Variants in HACE1 observed in about 807,000 individuals in gnomAD.
HACE1 encodes E3 ubiquitin-protein ligase HACE1.
Under a neutral mutation model 118.4 loss-of-function variants are expected in HACE1, and 73 were observed. The observed-to-expected ratio is 0.62, with a 90% CI of 0.51 to 0.75. HACE1 has a LOEUF of 0.75. Among genes scored for constraint, HACE1 ranks in the 30% least tolerant of loss-of-function variants. The pLI is 0.00. For synonymous variants in HACE1, 368 were observed against 374.8 expected, an observed-to-expected ratio of 0.98 and a Z score of 0.21; for missense variants, 749 against 1,102.2, an observed-to-expected ratio of 0.68 and a Z score of 4.54.
intron 22 of HACE1, among the ~76,000 whole-genome samples, chr6:104,734,150 A>C (rs1020760826): frequency 6.6e-6 from 1 of 151,476 alleles, no homozygotes; most frequent in Admixed American, 6.6e-5. Context: ...CTCAAAAAAA[A>C]AAAAAAAAAA....
intron 20 of HACE1, among the ~76,000 whole-genome samples, chr6:104,749,000 A>G (rs1217934918): frequency 1.3e-5 from 2 of 152,158 alleles, no homozygotes; most frequent in East Asian, 1.9e-4. Flanking sequence ...ATCAAGCTAT[A>G]CATTTATGAT....
intron 6 of HACE1, among the ~76,000 whole-genome samples, chr6:104,825,623 C>T (rs1322113285): frequency 6.6e-6 from 1 of 152,186 alleles, no homozygotes; most frequent in Non-Finnish European, 1.5e-5. Context: ...ACTTCAGCCT[C>T]TGATTGATTG....
At chr6:104,756,067 A>G (rs1056141989) in intron 19 of HACE1, among the ~76,000 whole-genome samples, 2 of 152,094 alleles carry the variant, frequency 1.3e-5, no homozygotes, top group Non-Finnish European at 2.9e-5. Flanking sequence ...AGAAGAATGA[A>G]GTAAACACAA....
At chr6:104,816,800 G>A (rs1448817353) in intron 6 of HACE1, among the ~76,000 whole-genome samples, 3 of 152,194 alleles carry the variant, frequency 2.0e-5, no homozygotes, top group Non-Finnish European at 4.4e-5. Context: ...AGTCTAGGGG[G>A]CTGTACCCTG....
At chr6:104,842,012 T>C (rs1284346116) in intron 5 of HACE1, among the ~76,000 whole-genome samples, 2 of 146,752 alleles carry the variant, frequency 1.4e-5, no homozygotes, top group African/African-American at 2.7e-5. Context: ...CTACTTTATA[T>C]AAAATATAAG....
intron 14 of HACE1, chr6:104,780,416 G>A (rs1321859144): frequency 7.1e-6 from 3 of 423,972 alleles, no homozygotes; most frequent in Non-Finnish European, 1.4e-5. Context: ...AATAGCATTT[G>A]TACAGCAATA....
intron 23 of HACE1, 91 bp from the exon 24 acceptor site, chr6:104,729,855 C>A: frequency 1.4e-6 from 1 of 716,992 alleles, no homozygotes; most frequent in Non-Finnish European, 2.5e-6. Flanking sequence ...TCATAATTAA[C>A]ATAAAATCAT....
chr6:104,852,205 G>C, intron 2 of HACE1, 112 bp downstream of exon 2: 1 of 669,252 alleles, frequency 1.5e-6, no homozygotes, highest in Non-Finnish European at 2.7e-6. Context: ...CTGTCTGTGT[G>C]TGTGTGTGTG....
chr6:104,773,910 C>A (rs1780899419), intron 17 of HACE1, among the ~76,000 whole-genome samples: 2 of 151,858 alleles, frequency 1.3e-5, no homozygotes, highest in Non-Finnish European at 2.9e-5. Context: ...ATTCCCCCAA[C>A]TATTTTCATG....
In HACE1 at chr6:104,784,986, C is replaced by T; in HGVS notation, c.1408G>A (p.Gly470Arg). 1.2e-6 allele frequency: 2 copies of T among 1,606,408 alleles called. No homozygotes were observed. The highest frequency in any genetic ancestry group is 1.7e-6 in the Non-Finnish European group (2 of 1,173,812). Residue 470 changes from glycine (G) to arginine (R), a missense_variant and splice_region_variant, in exon 12 of 24, where the codon GGA becomes AGA. Physicochemically the swap from Gly to Arg is moderately radical, Grantham distance 125. Around this residue, in one of 5 missense-constraint regions of HACE1, gnomAD observed 195 missense variants for 322.1 expected, o/e 0.61. Transcript: ENST00000262903. ...YMCCSCQMPPGMTSPRFIEFV... is the reference protein window; with the variant it reads ...YMCCSCQMPPRMTSPRFIEFV... ...AATAATAAGCCAAAACTTTCTTACC[C>T]CGGAGGCATCTGACAAGAACAGCAC...
chr6:104,739,239 T>C (rs1219953161), intron 22 of HACE1, among the ~76,000 whole-genome samples: 1 of 151,972 alleles, frequency 6.6e-6, no homozygotes, highest in Non-Finnish European at 1.5e-5. Flanking sequence ...CCATCAAGAC[T>C]AGGAAGAAAC....
intron 19 of HACE1, among the ~76,000 whole-genome samples, chr6:104,756,977 G>C (rs1192135792): frequency 6.6e-6 from 1 of 152,224 alleles, no homozygotes; most frequent in Non-Finnish European, 1.5e-5. Context: ...TGGGTCGCTG[G>C]ACCTTGGCGG....
intron 22 of HACE1, among the ~76,000 whole-genome samples, chr6:104,734,742 ATGAC>A (rs1331325835): frequency 6.6e-6 from 1 of 152,216 alleles, no homozygotes; most frequent in Non-Finnish European, 1.5e-5. Flanking sequence ...ATTGCTAAGA[ATGAC>A]TGTACTATTT....
chr6:104,855,486 A>T (rs972024608), intron 1 of HACE1, among the ~76,000 whole-genome samples: 1 of 152,054 alleles, frequency 6.6e-6, no homozygotes, highest in Non-Finnish European at 1.5e-5. Flanking sequence ...AAAAGATAAT[A>T]TATCCTACAA....
intron 5 of HACE1, among the ~76,000 whole-genome samples, chr6:104,841,204 C>T (rs1775090983): frequency 6.6e-6 from 1 of 151,476 alleles, no homozygotes; most frequent in South Asian, 2.1e-4. Context: ...AGACTGTTTT[C>T]TACAAGCCAG....
At position 104,852,385 on chromosome 6, in the gene HACE1, A is replaced by AGC; in HGVS notation, c.77-15_77-14insGC. The AGC allele has an allele frequency of 8.3e-7, 1 of 1,209,218 alleles. No individual in the cohort carries two copies. The highest frequency in any genetic ancestry group is 1.2e-6 in the Non-Finnish European group (1 of 852,632). The allele number at this position is 1,209,218 out of a possible 1,614,324, so 74.9% of individuals were successfully genotyped here. A position where few individuals can be genotyped will look rare whatever the true frequency, so the allele number is the denominator to read the frequency against. On this transcript the variant is annotated splice_polypyrimidine_tract_variant and intron_variant, in intron 1 of 23. Coordinates refer to ENST00000262903, the MANE Select transcript of HACE1 (RefSeq NM_020771.4). ...CAGTTTCATTATCTGAGTAAAAAAA[A>AGC]ACAAAGAGTTCATTTATCCCCTACT... is the stretch of plus-strand genomic sequence containing the variant.
At chr6:104,774,217 G>C (rs11156423) in intron 17 of HACE1, among the ~76,000 whole-genome samples, 2 of 120,034 alleles carry the variant, frequency 1.7e-5, no homozygotes, top group Admixed American at 8.2e-5. Context: ...AGCCTCCCAA[G>C]TAGCTGGGAC....
intron 17 of HACE1, among the ~76,000 whole-genome samples, chr6:104,776,508 C>A (rs1781237202): frequency 6.6e-6 from 1 of 152,180 alleles, no homozygotes; most frequent in Non-Finnish European, 1.5e-5. Flanking sequence ...CATTTGGGAA[C>A]CAACTGTTTA....
At chr6:104,834,896 G>T (rs562973537) in intron 5 of HACE1, among the ~76,000 whole-genome samples, 1 of 152,324 alleles carries the variant, frequency 6.6e-6, no homozygotes, top group South Asian at 2.1e-4. Flanking sequence ...TGCAAGGCCA[G>T]TAATGGCCCC....
Sources: allele counts gnomAD v4.1 joint callset (sites outside exome capture counted in the v4.1 genomes callset), GRCh38; gene constraint gnomAD v4.1.1; regional missense constraint gnomAD v4.1.1; transcripts MANE v1.5; gene names NCBI Gene and HGNC (gene_info 2026-07-23, HGNC 2026-07-21).